Variants in SORCS3 observed in about 807,000 individuals in gnomAD.
SORCS3 encodes VPS10 domain-containing receptor SorCS3.
Under a neutral mutation model 146.3 loss-of-function variants are expected in SORCS3, and 57 were observed. The observed-to-expected ratio is 0.39, with a 90% CI of 0.31 to 0.49. The LOEUF (loss-of-function observed/expected upper bound fraction) is 0.49, where lower values mean the gene tolerates loss of function less well. SORCS3 is among the 20% of genes least tolerant of loss of function. The pLI is 0.92. For synonymous variants in SORCS3, 653 were observed against 618.5 expected (o/e 1.06, Z -0.83); for missense variants, 1,341 against 1,575.5 (o/e 0.85, Z 2.52).
At chr10:105,254,174 G>T (rs1235920863) in intron 23 of SORCS3, among the ~76,000 whole-genome samples, 1 of 152,206 alleles carries the variant, frequency 6.6e-6, no homozygotes, top group East Asian at 1.9e-4. Flanking sequence ...TTTGATGTTT[G>T]CTTCCCATTG....
intron 16 of SORCS3, among the ~76,000 whole-genome samples, chr10:105,209,344 T>C (rs2056621314): frequency 6.6e-6 from 1 of 152,060 alleles, no homozygotes; most frequent in Admixed American, 6.6e-5. Flanking sequence ...GGTTTCACCA[T>C]GTTGGCCAGG....
intron 4 of SORCS3, among the ~76,000 whole-genome samples, chr10:105,009,329 A>G (rs938311910): frequency 6.6e-6 from 1 of 152,168 alleles, no homozygotes; most frequent in Non-Finnish European, 1.5e-5. Context: ...CATACTTCCA[A>G]TGTAATTGTA....
chr10:105,056,346 A>C (rs1204273604), intron 5 of SORCS3, among the ~76,000 whole-genome samples: 1 of 152,200 alleles, frequency 6.6e-6, no homozygotes, highest in East Asian at 1.9e-4. Context: ...CTAGTTGTGC[A>C]GAATGTTCTC....
At chr10:104,873,987 C>G (rs58538546) in intron 2 of SORCS3, among the ~76,000 whole-genome samples, 1 of 152,140 alleles carries the variant, frequency 6.6e-6, no homozygotes, top group East Asian at 1.9e-4. Flanking sequence ...TAAACAAGTT[C>G]TTTCAGGTTA....
intron 19 of SORCS3, chr10:105,217,965 G>T (rs2056675575): frequency 2.3e-6 from 1 of 444,190 alleles, no homozygotes; most frequent in African/African-American, 2.0e-5. Flanking sequence ...AGAGTTTCCA[G>T]GTAATATGCT....
intron 14 of SORCS3, among the ~76,000 whole-genome samples, chr10:105,181,466 A>T (rs1455365072): frequency 3.3e-5 from 5 of 152,020 alleles, no homozygotes; most frequent in Non-Finnish European, 7.4e-5. Context: ...GCTTACTGGG[A>T]ATGATTCTGA....
At chr10:105,229,454 C>T (rs1046264314) in intron 20 of SORCS3, among the ~76,000 whole-genome samples, 8 of 152,048 alleles carry the variant, frequency 5.3e-5, no homozygotes, top group African/African-American at 1.7e-4. Context: ...ACATTGATAT[C>T]TGTGCAGCTG....
chr10:104,653,154 T>C (rs1435578991), intron 1 of SORCS3, among the ~76,000 whole-genome samples: 6 of 152,206 alleles, frequency 3.9e-5, no homozygotes, highest in Admixed American at 2.0e-4. Flanking sequence ...TGAGGTCAAA[T>C]AGATTACCTG....
intron 1 of SORCS3, among the ~76,000 whole-genome samples, chr10:104,655,687 T>G (rs189752146): frequency 3.5e-4 from 53 of 152,188 alleles, no homozygotes; most frequent in Middle Eastern, 3.4e-3. Flanking sequence ...TCATGAATGG[T>G]TTAGCACCAT....
chr10:105,075,467 C>T lies in SORCS3; in HGVS notation c.1029-14308C>T, dbSNP rs191337372. Among the ~76,000 whole-genome samples, 470 of 152,272 alleles carry T rather than the reference C, an allele frequency of 3.1e-3. 3 individuals are homozygous for T. Among genetic ancestry groups the T allele is most frequent in the Non-Finnish European group, 1.7e-3 (119 of 68,016 alleles). ...CTGCCCATGCCCTCCCTGTTCCATC[C>T]TCTGGTCCCTGCTTAGGGGTAGGTG... On this transcript the variant is annotated intron_variant, in intron 5 of 26. Transcript: ENST00000369701.
rs150825216 is a variant in SORCS3, at chr10:105,101,841, G to T, written c.1094-3556G>T. On this transcript the variant is annotated intron_variant, in intron 6 of 26. Transcript: ENST00000369701. ...ACACTGGCTGGTAAGAAGGAAGCAG[G>T]TTGCCATATCAACACCTGTGGTTTC... is the stretch of plus-strand genomic sequence containing the variant. Among the ~76,000 whole-genome samples, 45 of 152,316 alleles carry T rather than the reference G, an allele frequency of 3.0e-4. No homozygotes were observed. In the East Asian group the frequency reaches 3.9e-3, roughly 13 times the overall value.
At chr10:105,137,392 A>G (rs1201184164) in intron 7 of SORCS3, among the ~76,000 whole-genome samples, 1 of 152,168 alleles carries the variant, frequency 6.6e-6, no homozygotes, top group African/African-American at 2.4e-5. Flanking sequence ...AAAATGTTTT[A>G]GAACTAAATA....
intron 2 of SORCS3, among the ~76,000 whole-genome samples, chr10:104,879,003 T>G (rs1231560724): frequency 1.3e-5 from 2 of 152,156 alleles, no homozygotes; most frequent in Admixed American, 1.3e-4. Context: ...AGGGTCAGAT[T>G]TGTGTTATAA....
chr10:105,254,659 C>T (rs768857360), intron 23 of SORCS3, among the ~76,000 whole-genome samples: 4 of 151,120 alleles, frequency 2.6e-5, no homozygotes, highest in African/African-American at 7.3e-5. Context: ...ATTAGCTTGG[C>T]GTGGTGGCAC....
At position 104,679,702 on chromosome 10, in the gene SORCS3, G is replaced by A. The variant is rs774780890; in HGVS notation, c.627+37748G>A. 2.0e-5 allele frequency among the ~76,000 whole-genome samples: 3 copies of A among 152,166 alleles called. No homozygotes were observed. In the East Asian group the frequency reaches 5.8e-4, roughly 29 times the overall value. ...TCAAGACCTTCTTCTCTTTCCTGCAGAGTCCTTGCCGAGGGCTCTTGATTG... is the reference window on the plus strand; with the variant it reads ...TCAAGACCTTCTTCTCTTTCCTGCAAAGTCCTTGCCGAGGGCTCTTGATTG... On this transcript the variant is annotated intron_variant, in intron 1 of 26. Transcript: ENST00000369701.
intron 3 of SORCS3, among the ~76,000 whole-genome samples, chr10:104,975,272 A>G (rs1172225141): frequency 6.6e-6 from 1 of 152,160 alleles, no homozygotes; most frequent in East Asian, 1.9e-4. Context: ...AATAACAGAC[A>G]AGCAGAGAGC....
chr10:104,957,554 A>AACACACACACACACACACAC (rs10660859), intron 3 of SORCS3, among the ~76,000 whole-genome samples: 1,715 of 148,422 alleles, frequency 0.012, 31 homozygotes, highest in African/African-American at 0.04. Flanking sequence ...AAGGAAAGAA[A>AACACACACACACACACACAC]ACACACACAC....
chr10:104,836,834 C>T (rs2018074516), intron 1 of SORCS3, among the ~76,000 whole-genome samples: 1 of 152,078 alleles, frequency 6.6e-6, no homozygotes, highest in South Asian at 2.1e-4. Flanking sequence ...TTTCTCATAA[C>T]TAGAATGCTG....
intron 20 of SORCS3, among the ~76,000 whole-genome samples, chr10:105,226,843 T>C (rs961001345): frequency 6.6e-6 from 1 of 151,944 alleles, no homozygotes; most frequent in Non-Finnish European, 1.5e-5. Flanking sequence ...AGTTTCTTAG[T>C]GTATATAGTT....
Sources: gnomAD v4.1 joint callset for allele counts (sites outside exome capture counted in the v4.1 genomes callset) on GRCh38, gnomAD v4.1.1 for gene constraint, MANE v1.5 for transcripts, NCBI Gene and HGNC (gene_info 2026-07-23, HGNC 2026-07-21) for gene names.